The following KCNQ3 variants were observed in gnomAD, a reference collection of about 807,000 sequenced individuals.
KCNQ3 encodes potassium voltage-gated channel subfamily KQT member 3.
KCNQ3 carries 30 observed loss-of-function variants against 92.5 expected under a neutral mutation model. That is an observed-to-expected ratio of 0.32 (90% CI 0.24 to 0.44). The LOEUF is 0.44. Ranked by LOEUF, KCNQ3 falls within the 20% of genes least tolerant of loss-of-function variation. The pLI, the probability that KCNQ3 is intolerant of heterozygous loss-of-function variation, is 1.00. For missense variants in KCNQ3, 913 were observed against 1,140.3 expected (o/e 0.80, Z 2.87); for synonymous variants, 450 against 468.8 (o/e 0.96, Z 0.52).
At chr8:132,190,618 G>C (rs1827128062) in intron 1 of KCNQ3, among the ~76,000 whole-genome samples, 1 of 152,156 alleles carries the variant, frequency 6.6e-6, no homozygotes, top group African/African-American at 2.4e-5. Flanking sequence ...TGGGATATTG[G>C]GGAGTCCTCC....
intron 1 of KCNQ3, among the ~76,000 whole-genome samples, chr8:132,459,795 C>T (rs887942182): frequency 2.6e-5 from 4 of 151,202 alleles, no homozygotes; most frequent in African/African-American, 9.7e-5. Flanking sequence ...CTTATGCAGC[C>T]CTCACTAGGC....
At chr8:132,441,467 T>C (rs1452830950) in intron 1 of KCNQ3, among the ~76,000 whole-genome samples, 2 of 152,120 alleles carry the variant, frequency 1.3e-5, no homozygotes, top group Non-Finnish European at 2.9e-5. Flanking sequence ...GGCAGGAGAA[T>C]GGCGTGAACC....
At chr8:132,454,075 G>T (rs997731440) in intron 1 of KCNQ3, among the ~76,000 whole-genome samples, 1 of 152,206 alleles carries the variant, frequency 6.6e-6, no homozygotes, top group Non-Finnish European at 1.5e-5. Flanking sequence ...TTTCACGCGT[G>T]GCTCTTACTT....
At position 132,318,593 on chromosome 8, in the gene KCNQ3, T is replaced by C. The variant is rs188198628; in HGVS notation, c.387-132412A>G. On this transcript the variant is annotated intron_variant, in intron 1 of 14. Coordinates refer to ENST00000388996, the MANE Select transcript of KCNQ3 (RefSeq NM_004519.4). ...GATTTCTTGTGTGTAGTCCTTGCTA[T>C]TTGGTGTTGCAGCTCGCTTGTCAGC... Among the ~76,000 whole-genome samples, 220 of 152,350 alleles carry C rather than the reference T, an allele frequency of 1.4e-3. 3 individuals are homozygous for C. The highest frequency in any genetic ancestry group is 5.2e-3 in the African/African-American group (216 of 41,566).
intron 1 of KCNQ3, among the ~76,000 whole-genome samples, chr8:132,242,968 G>A (rs564728028): frequency 3.3e-5 from 5 of 152,258 alleles, no homozygotes; most frequent in African/African-American, 1.2e-4. Context: ...GTTCACTTCC[G>A]TTCTACCATG....
At chr8:132,229,070 A>C (rs1322118471) in intron 1 of KCNQ3, among the ~76,000 whole-genome samples, 8 of 152,202 alleles carry the variant, frequency 5.3e-5, no homozygotes, top group Non-Finnish European at 1.2e-4. Flanking sequence ...CCTGGCCAAC[A>C]TGGTGAAACC....
At chr8:132,225,843 T>C (rs1418080997) in intron 1 of KCNQ3, among the ~76,000 whole-genome samples, 1 of 152,206 alleles carries the variant, frequency 6.6e-6, no homozygotes, top group Non-Finnish European at 1.5e-5. Context: ...TTAGCATTGG[T>C]TGCCTTGGAA....
At chr8:132,465,194 A>G (rs1022237637) in intron 1 of KCNQ3, among the ~76,000 whole-genome samples, 25 of 152,208 alleles carry the variant, frequency 1.6e-4, no homozygotes, top group Non-Finnish European at 2.2e-4. Context: ...TCCACAAAAG[A>G]TGTGTTTGTA....
At chr8:132,440,297 T>A (rs1235059013) in intron 1 of KCNQ3, among the ~76,000 whole-genome samples, 1 of 152,212 alleles carries the variant, frequency 6.6e-6, no homozygotes, top group African/African-American at 2.4e-5. Flanking sequence ...GCAGCACAGA[T>A]GAAGTGCTGC....
At chr8:132,262,343 T>C (rs1445633248) in intron 1 of KCNQ3, among the ~76,000 whole-genome samples, 1 of 152,214 alleles carries the variant, frequency 6.6e-6, no homozygotes, top group South Asian at 2.1e-4. Flanking sequence ...TTTAAAAACA[T>C]TGAATTGTAC....
chr8:132,434,913 TGAA>T (rs1440816790), intron 1 of KCNQ3, among the ~76,000 whole-genome samples: 8 of 152,196 alleles, frequency 5.3e-5, no homozygotes, highest in South Asian at 2.1e-4. Context: ...CATTATTACT[TGAA>T]ACCAATTTGA....
chr8:132,360,583 G>A (rs575853303), intron 1 of KCNQ3, among the ~76,000 whole-genome samples: 1 of 152,286 alleles, frequency 6.6e-6, no homozygotes, highest in Admixed American at 6.5e-5. Flanking sequence ...CTCCAGCCCA[G>A]CCCTTGATCT....
chr8:132,399,528 G>A (rs1166029295), intron 1 of KCNQ3, among the ~76,000 whole-genome samples: 1 of 151,930 alleles, frequency 6.6e-6, no homozygotes, highest in African/African-American at 2.4e-5. Flanking sequence ...CTCCACCCCT[G>A]GAAGAAAATA....
chr8:132,288,154 G>A (rs1339770069), intron 1 of KCNQ3, among the ~76,000 whole-genome samples: 1 of 152,178 alleles, frequency 6.6e-6, no homozygotes, highest in Non-Finnish European at 1.5e-5. Flanking sequence ...CTTTAGGATA[G>A]ATTCTTGAAG....
At chr8:132,130,039 G>A in intron 14 of KCNQ3, 43 bp from the exon 15 acceptor site, 1 of 1,606,204 alleles carries the variant, frequency 6.2e-7, no homozygotes, top group Non-Finnish European at 8.5e-7. Flanking sequence ...TTCTCTGAGG[G>A]TGGGGATCGT....
chr8:132,399,600 C>T (rs1820284166), intron 1 of KCNQ3, among the ~76,000 whole-genome samples: 1 of 152,224 alleles, frequency 6.6e-6, no homozygotes, highest in Non-Finnish European at 1.5e-5. Context: ...GAACTCACTC[C>T]TCCTGGATTG....
intron 9 of KCNQ3, among the ~76,000 whole-genome samples, chr8:132,162,644 C>T (rs1415130038): frequency 3.3e-5 from 5 of 152,204 alleles, no homozygotes; most frequent in Non-Finnish European, 7.3e-5. Context: ...CCACGTGGTT[C>T]ATTTGAAAAC....
chr8:132,295,872 G>C (rs945272377), intron 1 of KCNQ3, among the ~76,000 whole-genome samples: 1 of 152,014 alleles, frequency 6.6e-6, no homozygotes, highest in African/African-American at 2.4e-5. Flanking sequence ...AACATGCATC[G>C]GGGCCTGTTG....
chr8:132,364,317 C>G (rs908563739), intron 1 of KCNQ3, among the ~76,000 whole-genome samples: 2 of 152,220 alleles, frequency 1.3e-5, no homozygotes, highest in African/African-American at 4.8e-5. Flanking sequence ...CCACCCCAAT[C>G]TAGGGCTCCA....
Sources: gnomAD v4.1 joint callset for allele counts (sites outside exome capture counted in the v4.1 genomes callset) on GRCh38, gnomAD v4.1.1 for gene constraint, MANE v1.5 for transcripts, NCBI Gene and HGNC (gene_info 2026-07-23, HGNC 2026-07-21) for gene names.